The following ARHGAP15 variants were observed in gnomAD, a reference collection of about 807,000 sequenced individuals.
The protein encoded by ARHGAP15 is Rho GTPase activating protein 15.
Under a neutral mutation model 63.7 loss-of-function variants are expected in ARHGAP15, and 51 were observed. That is an observed-to-expected ratio of 0.80 (90% CI 0.64 to 1.01). The LOEUF (loss-of-function observed/expected upper bound fraction) is 1.01, where lower values mean the gene tolerates loss of function less well. Among genes scored for constraint, ARHGAP15 ranks in the 50% least tolerant of loss-of-function variants. The probability of loss-of-function intolerance (pLI) is 0.00; values close to 1 mark genes in which losing one functional copy is unlikely to be tolerated. For synonymous variants in ARHGAP15, 191 were observed against 193.8 expected (o/e 0.99, Z 0.12); for missense variants, 560 against 564.6 (o/e 0.99, Z 0.08).
At chr2:143,747,262 A>G (rs1034152501) in intron 13 of ARHGAP15, among the ~76,000 whole-genome samples, 20 of 152,136 alleles carry the variant, frequency 1.3e-4, no homozygotes, top group African/African-American at 4.3e-4. Flanking sequence ...AAAGAAAAAA[A>G]AAGATCGGAG....
intron 12 of ARHGAP15, among the ~76,000 whole-genome samples, chr2:143,662,301 G>T (rs1308150853): frequency 6.7e-6 from 1 of 149,816 alleles, no homozygotes; most frequent in Non-Finnish European, 1.5e-5. Context: ...CCCCAGCAGG[G>T]GCACACTGAC....
intron 10 of ARHGAP15, among the ~76,000 whole-genome samples, chr2:143,544,177 C>T (rs992782895): frequency 3.3e-5 from 5 of 152,040 alleles, no homozygotes; most frequent in African/African-American, 1.2e-4. Flanking sequence ...GTGATTTCCC[C>T]AATAAGAAAT....
At chr2:143,235,242 G>GTTTTT (rs11447778) in intron 5 of ARHGAP15, among the ~76,000 whole-genome samples, 2 of 136,018 alleles carry the variant, frequency 1.5e-5, no homozygotes, top group Admixed American at 7.3e-5. Flanking sequence ...TAGTAGAGTT[G>GTTTTT]TTTTTTTTTT....
At chr2:143,477,217 CA>C (rs1216546371) in intron 8 of ARHGAP15, among the ~76,000 whole-genome samples, 5 of 151,844 alleles carry the variant, frequency 3.3e-5, no homozygotes, top group African/African-American at 1.2e-4. Flanking sequence ...CTCGCGCACA[CA>C]CACACACATA....
rs1224524197 is a variant in ARHGAP15 at position 143,717,100 on chromosome 2, G to C, written c.1244+13576G>C. Among the ~76,000 whole-genome samples the C allele has an allele frequency of 2.6e-5, 4 of 152,218 alleles. No individual in the cohort carries two copies. In the East Asian group the frequency reaches 5.8e-4, roughly 22 times the overall value. Reference sequence around the variant, plus strand: ...ATGCATGCCTGCATATATACACTTAGAGCACGTTTTTTTAGAAGGCAGTAA... The same window carrying C: ...ATGCATGCCTGCATATATACACTTACAGCACGTTTTTTTAGAAGGCAGTAA... On this transcript the variant is annotated intron_variant, in intron 13 of 13. Coordinates refer to ENST00000295095, the MANE Select transcript of ARHGAP15 (RefSeq NM_018460.4).
intron 13 of ARHGAP15, among the ~76,000 whole-genome samples, chr2:143,746,145 C>T (rs551558997): frequency 4.6e-5 from 7 of 152,172 alleles, no homozygotes; most frequent in East Asian, 3.9e-4. Flanking sequence ...AGAAATTACC[C>T]GTAAGAAACC....
chr2:143,744,447 A>G (rs570751507), intron 13 of ARHGAP15, among the ~76,000 whole-genome samples: 12 of 152,348 alleles, frequency 7.9e-5, no homozygotes, highest in Admixed American at 7.8e-4. Flanking sequence ...TTAGTTGCAG[A>G]GCAAGAATTC....
rs536289806 is a variant in ARHGAP15, at chr2:143,537,002, T to C, written c.925+17638T>C. Among the ~76,000 whole-genome samples, 240 of 152,074 alleles carry C rather than the reference T, an allele frequency of 1.6e-3. 1 individual carries two copies. Among genetic ancestry groups the C allele is most frequent in the Non-Finnish European group, 2.8e-3 (187 of 67,914 alleles). On this transcript the variant is annotated intron_variant, in intron 10 of 13. Coordinates refer to ENST00000295095, the MANE Select transcript of ARHGAP15 (RefSeq NM_018460.4). ...TACAGTCCCACCAACAGTGTAAAAGTGTTCCTATTTCTCCACATCCTCTCC... is the reference window on the plus strand; with the variant it reads ...TACAGTCCCACCAACAGTGTAAAAGCGTTCCTATTTCTCCACATCCTCTCC...
intron 13 of ARHGAP15, among the ~76,000 whole-genome samples, chr2:143,744,622 G>A (rs566025801): frequency 1.3e-4 from 20 of 152,180 alleles, no homozygotes; most frequent in Non-Finnish European, 2.4e-4. Context: ...AAAATACAGG[G>A]AATCTACTGA....
Position 143,670,670 on chromosome 2 carries a change from A to G in ARHGAP15, c.1139-32749A>G, listed in dbSNP as rs73961826. Among the ~76,000 whole-genome samples the G allele has an allele frequency of 5.1e-3, 775 of 152,220 alleles. 4 individuals carry two copies. Among genetic ancestry groups the G allele is most frequent in the African/African-American group, 0.018 (739 of 41,544 alleles). On this transcript the variant is annotated intron_variant, in intron 12 of 13. Transcript: ENST00000295095. ...CACCTTAGACCAAATTTCTTTTTGT[A>G]CCCCAGTAACATCTACCCAAGTCCT...
intron 2 of ARHGAP15, 73 bp from the exon 3 acceptor site, chr2:143,202,061 A>G (rs1692140208): frequency 2.6e-6 from 3 of 1,146,344 alleles, no homozygotes; most frequent in Non-Finnish European, 4.0e-6. Context: ...TGAATTGGTT[A>G]TTTTATGTGT....
At chr2:143,453,511 ATTTTC>A (rs1368535034) in intron 8 of ARHGAP15, among the ~76,000 whole-genome samples, 4 of 151,952 alleles carry the variant, frequency 2.6e-5, no homozygotes, top group East Asian at 3.8e-4. Flanking sequence ...TAGTACAAGT[ATTTTC>A]TTTTCTTCCA....
At chr2:143,623,236 G>C (rs1698710268) in intron 11 of ARHGAP15, among the ~76,000 whole-genome samples, 1 of 152,154 alleles carries the variant, frequency 6.6e-6, no homozygotes, top group African/African-American at 2.4e-5. Context: ...TCCACTTCTT[G>C]GGTGAGACTA....
At chr2:143,669,258 G>A (rs1682391821) in intron 12 of ARHGAP15, among the ~76,000 whole-genome samples, 1 of 152,158 alleles carries the variant, frequency 6.6e-6, no homozygotes, top group Admixed American at 6.6e-5. Flanking sequence ...AAAGGCTTGT[G>A]TTCAAACTTC....
At chr2:143,516,689 T>G (rs1283042599) in intron 9 of ARHGAP15, among the ~76,000 whole-genome samples, 2 of 152,246 alleles carry the variant, frequency 1.3e-5, no homozygotes, top group Non-Finnish European at 2.9e-5. Context: ...TTCTTCTTCC[T>G]GACTGTAATC....
At chr2:143,414,191 A>G (rs1688583389) in intron 6 of ARHGAP15, among the ~76,000 whole-genome samples, 1 of 151,556 alleles carries the variant, frequency 6.6e-6, no homozygotes, top group Non-Finnish European at 1.5e-5. Context: ...AAAATGTACT[A>G]AAAAATTTAA....
chr2:143,384,334 A>T (rs1411496547), intron 6 of ARHGAP15, among the ~76,000 whole-genome samples: 3 of 152,132 alleles, frequency 2.0e-5, no homozygotes, highest in Non-Finnish European at 2.9e-5. Context: ...AAGGAGAAAA[A>T]GACGATGCAA....
chr2:143,259,900 A>T (rs1236729210), intron 6 of ARHGAP15, among the ~76,000 whole-genome samples: 2 of 152,206 alleles, frequency 1.3e-5, no homozygotes, highest in African/African-American at 2.4e-5. Context: ...ATATACCCAA[A>T]TATTAAGAAG....
chr2:143,434,945 T>G lies in ARHGAP15; in HGVS notation c.475-656T>G, dbSNP rs574951691. 1.4e-3 allele frequency among the ~76,000 whole-genome samples: 207 copies of G among 152,118 alleles called. 1 individual carries two copies. Among genetic ancestry groups the G allele is most frequent in the African/African-American group, 4.9e-3 (205 of 41,514 alleles). ...TGCCAACTACTTAGCAGTCTGAGAG[T>G]CAGGAACCTGAATGTTCATTTGATA... is the stretch of plus-strand genomic sequence containing the variant. On this transcript the variant is annotated intron_variant, in intron 6 of 13. Coordinates refer to ENST00000295095, the MANE Select transcript of ARHGAP15 (RefSeq NM_018460.4).
Sources: gnomAD v4.1 joint callset for allele counts (sites outside exome capture counted in the v4.1 genomes callset) on GRCh38, gnomAD v4.1.1 for gene constraint, MANE v1.5 for transcripts, NCBI Gene and HGNC (gene_info 2026-07-23, HGNC 2026-07-21) for gene names.